Variants in ADCY2 observed in about 807,000 individuals in gnomAD.
ADCY2 encodes adenylate cyclase type 2.
ADCY2 carries 31 observed loss-of-function variants against 125.2 expected under a neutral mutation model. That is an observed-to-expected ratio of 0.25 (90% CI 0.19 to 0.33). The LOEUF is 0.33. Among genes scored for constraint, ADCY2 ranks in the 10% least tolerant of loss-of-function variants. The probability of loss-of-function intolerance (pLI) is 1.00; values close to 1 mark genes in which losing one functional copy is unlikely to be tolerated. For missense variants in ADCY2, 904 were observed against 1,418.2 expected (o/e 0.64, Z 5.82); for synonymous variants, 512 against 548.4 (o/e 0.93, Z 0.93).
intron 14 of ADCY2, among the ~76,000 whole-genome samples, chr5:7,728,332 T>A (rs1297877531): frequency 6.6e-6 from 1 of 152,096 alleles, no homozygotes; most frequent in African/African-American, 2.4e-5. Context: ...TACAAGTGGT[T>A]TTTGATTACA....
chr5:7,570,620 C>CA (rs33956366), intron 3 of ADCY2, among the ~76,000 whole-genome samples: 2,594 of 112,948 alleles, frequency 0.023, 61 homozygotes, highest in African/African-American at 0.067. Context: ...AGTCAAGGGA[C>CA]AAAAAAAAAA....
intron 4 of ADCY2, among the ~76,000 whole-genome samples, chr5:7,628,023 G>A (rs148493992): frequency 6.6e-5 from 10 of 152,324 alleles, no homozygotes; most frequent in African/African-American, 2.2e-4. Context: ...AAGAGACATA[G>A]ATAGTTGTTA....
chr5:7,578,158 A>G (rs1366282426), intron 3 of ADCY2, among the ~76,000 whole-genome samples: 1 of 152,232 alleles, frequency 6.6e-6, no homozygotes, highest in African/African-American at 2.4e-5. Flanking sequence ...TGAACATAAT[A>G]TTCATTGTTG....
intron 15 of ADCY2, among the ~76,000 whole-genome samples, chr5:7,755,987 G>A (rs925287125): frequency 1.3e-5 from 2 of 152,186 alleles, no homozygotes; most frequent in Non-Finnish European, 2.9e-5. Context: ...CGATCAAAGG[G>A]CATAATTTAT....
At chr5:7,435,751 C>G (rs896794575) in intron 2 of ADCY2, among the ~76,000 whole-genome samples, 9 of 152,212 alleles carry the variant, frequency 5.9e-5, no homozygotes, top group African/African-American at 1.7e-4. Context: ...CCAAACAGGG[C>G]TCAGCTTTAC....
chr5:7,597,464 A>T (rs1737046521), intron 3 of ADCY2, among the ~76,000 whole-genome samples: 1 of 152,226 alleles, frequency 6.6e-6, no homozygotes, highest in African/African-American at 2.4e-5. Context: ...CAGGAGCAGT[A>T]GAATAGGCAG....
intron 18 of ADCY2, among the ~76,000 whole-genome samples, chr5:7,775,646 C>T (rs749604091): frequency 2.0e-5 from 3 of 152,244 alleles, no homozygotes; most frequent in Non-Finnish European, 2.9e-5. Flanking sequence ...CTGCCTCAGC[C>T]TCCCAAAGTG....
At chr5:7,797,655 T>G (rs1744466034) in intron 20 of ADCY2, 1 of 152,202 alleles carries the variant, frequency 6.6e-6, no homozygotes, top group South Asian at 2.1e-4. Context: ...TAAGAGACGC[T>G]TGCTCTCTTA....
intron 1 of ADCY2, among the ~76,000 whole-genome samples, chr5:7,403,459 A>T (rs1455775258): frequency 1.3e-5 from 2 of 152,228 alleles, no homozygotes; most frequent in Admixed American, 1.3e-4. Context: ...TTTTAGGTGC[A>T]TAAAATAGAA....
At chr5:7,421,497 T>C (rs1196667070) in intron 2 of ADCY2, among the ~76,000 whole-genome samples, 1 of 152,240 alleles carries the variant, frequency 6.6e-6, no homozygotes, top group Non-Finnish European at 1.5e-5. Context: ...CCAATCATAT[T>C]GGATTACAAC....
intron 19 of ADCY2, among the ~76,000 whole-genome samples, chr5:7,787,153 G>C (rs1015541066): frequency 2.0e-5 from 3 of 152,174 alleles, no homozygotes; most frequent in Non-Finnish European, 4.4e-5. Flanking sequence ...CCGAGGGATG[G>C]GAGGCTCTCG....
chr5:7,812,979 A>T (rs534430951), intron 22 of ADCY2, among the ~76,000 whole-genome samples: 3 of 152,346 alleles, frequency 2.0e-5, no homozygotes, highest in African/African-American at 7.2e-5. Flanking sequence ...AGGCCCAGAG[A>T]AGTTAAATGA....
chr5:7,772,797 A>G, intron 17 of ADCY2, 135 bp from the exon 18 acceptor site: 1 of 745,098 alleles, frequency 1.3e-6, no homozygotes. Context: ...ATCAAAGATG[A>G]GAAACAAGCC....
chr5:7,419,258 GA>G (rs1740090502), intron 2 of ADCY2, among the ~76,000 whole-genome samples: 1 of 152,096 alleles, frequency 6.6e-6, no homozygotes, highest in Non-Finnish European at 1.5e-5. Context: ...CAATTTTCTA[GA>G]AGAACCCACG....
intron 2 of ADCY2, among the ~76,000 whole-genome samples, chr5:7,421,405 C>T (rs1740197581): frequency 1.3e-5 from 2 of 152,246 alleles, no homozygotes; most frequent in Non-Finnish European, 2.9e-5. Context: ...TATTCCTTGG[C>T]TTGCAGACAC....
intron 2 of ADCY2, among the ~76,000 whole-genome samples, chr5:7,448,309 G>A (rs925521950): frequency 2.0e-5 from 3 of 152,156 alleles, no homozygotes; most frequent in African/African-American, 7.2e-5. Context: ...TCGTGTGCCA[G>A]ACCCAGGTCA....
chr5:7,805,158 A>C (rs976173929), intron 22 of ADCY2, among the ~76,000 whole-genome samples: 1 of 143,968 alleles, frequency 6.9e-6, no homozygotes, highest in Non-Finnish European at 1.5e-5. Context: ...TTTACCAAAA[A>C]TACAAAAAAA....
chr5:7,551,992 A>G (rs1735359393), intron 3 of ADCY2, among the ~76,000 whole-genome samples: 1 of 152,216 alleles, frequency 6.6e-6, no homozygotes, highest in Non-Finnish European at 1.5e-5. Context: ...TACCTGAACA[A>G]TATGTCAGCT....
intron 3 of ADCY2, among the ~76,000 whole-genome samples, chr5:7,526,450 ATAGT>A (rs1403710087): frequency 7.9e-5 from 10 of 126,824 alleles, no homozygotes; most frequent in African/African-American, 1.3e-4. Flanking sequence ...ATATTTCAAA[ATAGT>A]TAGTAGAGAA....
Sources: allele counts gnomAD v4.1 joint callset (sites outside exome capture counted in the v4.1 genomes callset), GRCh38; gene constraint gnomAD v4.1.1; transcripts MANE v1.5; gene names NCBI Gene and HGNC (gene_info 2026-07-23, HGNC 2026-07-21).